Variants in NINJ2 observed in about 807,000 individuals in gnomAD.
The protein encoded by NINJ2 is ninjurin 2.
NINJ2 carries 12 observed loss-of-function variants against 11.7 expected under a neutral mutation model. The ratio of observed to expected loss-of-function variants is 1.02; its 90% confidence interval spans 0.66 to 1.66. The LOEUF is 1.66. NINJ2 is among the 40% of genes most tolerant of loss of function. The probability of loss-of-function intolerance (pLI) is 0.00; values close to 1 mark genes in which losing one functional copy is unlikely to be tolerated. For synonymous variants in NINJ2, 93 were observed against 76.8 expected, an observed-to-expected ratio of 1.21 and a Z score of -1.10; for missense variants, 187 against 181.8, an observed-to-expected ratio of 1.03 and a Z score of -0.16.
At chr12:567,976 T>C (rs1478549910) in intron 1 of NINJ2, among the ~76,000 whole-genome samples, 4 of 152,180 alleles carry the variant, frequency 2.6e-5, no homozygotes, top group Admixed American at 6.5e-5. Context: ...CATTGCACTC[T>C]AGCCTGGGTG....
In NINJ2 at chr12:585,928, A is replaced by G. The variant is rs1565624950; in HGVS notation, c.34-19750T>C. 2 of 152,124 alleles carry G rather than the reference A, an allele frequency of 1.3e-5. No individual in the cohort carries two copies. Among genetic ancestry groups the G allele is most frequent in the African/African-American group, 2.4e-5 (1 of 41,404 alleles). 9.4% of individuals were successfully genotyped at this position (152,124 alleles called of 1,614,324 possible). ...TCTCAGCTGGCTCCAGACAGACAAG[A>G]AGACTCCTTCAGTGTTCTTCTGGTA... On this transcript the variant is annotated intron_variant, in intron 1 of 3. Coordinates refer to ENST00000305108, the MANE Select transcript of NINJ2 (RefSeq NM_016533.6). The surrounding 1 kb of genome is among the most constrained non-coding windows in gnomAD (Gnocchi z 4.1).
At chr12:575,734 G>C (rs1341781808) in intron 1 of NINJ2, among the ~76,000 whole-genome samples, 1 of 152,196 alleles carries the variant, frequency 6.6e-6, no homozygotes, top group East Asian at 1.9e-4. Flanking sequence ...ATTTTTATGA[G>C]ACAGCTTTTT....
intron 1 of NINJ2, among the ~76,000 whole-genome samples, chr12:574,954 A>T (rs1947433812): frequency 6.6e-6 from 1 of 152,242 alleles, no homozygotes; most frequent in Non-Finnish European, 1.5e-5. Context: ...GAAAGCTGTG[A>T]AGTATTAAAC....
intron 1 of NINJ2, among the ~76,000 whole-genome samples, chr12:599,932 A>T (rs7299328): frequency 5.3e-5 from 8 of 152,002 alleles, no homozygotes; most frequent in Non-Finnish European, 1.0e-4. Flanking sequence ...CCAAGGTTTG[A>T]GCAGCTCTGG....
At chr12:603,476 G>C (rs1313360205) in intron 1 of NINJ2, among the ~76,000 whole-genome samples, 1 of 152,002 alleles carries the variant, frequency 6.6e-6, no homozygotes, top group Non-Finnish European at 1.5e-5. Context: ...TCATATCTAA[G>C]AAGGCTTTCC....
Position 585,338 on chromosome 12 carries a change from A to C in NINJ2, c.34-19160T>G, listed in dbSNP as rs116743025. On this transcript the variant is annotated intron_variant, in intron 1 of 3. Coordinates refer to ENST00000305108, the MANE Select transcript of NINJ2 (RefSeq NM_016533.6). This position sits in a 1 kb window ranked among gnomAD's most constrained non-coding sequence, Gnocchi z 4.1. ...CCCATGCCAAGAGGGGTCCATACCA[A>C]CTTCCGGAATAAACGAGGCCAAAGG... is the stretch of plus-strand genomic sequence containing the variant. 1.1e-3 allele frequency among the ~76,000 whole-genome samples: 167 copies of C among 152,276 alleles called. No individual in the cohort carries two copies. The highest frequency in any genetic ancestry group is 3.7e-3 in the African/African-American group (155 of 41,550).
chr12:597,380 CTAT>C (rs1434429379), intron 1 of NINJ2, among the ~76,000 whole-genome samples: 3 of 152,166 alleles, frequency 2.0e-5, no homozygotes. Context: ...CTCAGTGTTG[CTAT>C]TATTATACGT....
At chr12:587,608 T>C (rs114267194) in intron 1 of NINJ2, among the ~76,000 whole-genome samples, 285 of 152,276 alleles carry the variant, frequency 1.9e-3, no homozygotes, top group African/African-American at 6.5e-3. Flanking sequence ...GGCCCGATGC[T>C]TGTGGTCTGG....
intron 1 of NINJ2, among the ~76,000 whole-genome samples, chr12:649,726 C>G (rs1054959768): frequency 4.6e-5 from 7 of 151,666 alleles, no homozygotes; most frequent in African/African-American, 1.5e-4. Flanking sequence ...CATTCATAAA[C>G]CCATAATCCA....
At chr12:573,497 T>G (rs781212236) in intron 1 of NINJ2, among the ~76,000 whole-genome samples, 17 of 152,136 alleles carry the variant, frequency 1.1e-4, no homozygotes, top group Non-Finnish European at 2.4e-4. Flanking sequence ...GAGAATTGCT[T>G]GAACCTCAGA....
At chr12:608,017 G>A (rs200776526) in intron 1 of NINJ2, among the ~76,000 whole-genome samples, 1 of 152,312 alleles carries the variant, frequency 6.6e-6, no homozygotes, top group East Asian at 1.9e-4. Flanking sequence ...GGAAATGTGC[G>A]CTTGTAGGAG....
Position 653,358 on chromosome 12 carries a change from A to G in NINJ2, c.33+9970T>C, listed in dbSNP as rs75601043. Among the ~76,000 whole-genome samples the G allele has an allele frequency of 3.8e-4, 58 of 152,296 alleles. No individual in the cohort carries two copies. The East Asian group carries it at 9.1e-3, about 24-fold the overall frequency. On this transcript the variant is annotated intron_variant, in intron 1 of 3. Coordinates refer to ENST00000305108, the MANE Select transcript of NINJ2 (RefSeq NM_016533.6). The stretch of plus-strand genomic sequence containing the variant: ...CTAACAGTTTGTTCAAAATGAACAA[A>G]TCAAAATATCAACAATATATTTGAT...
chr12:656,529 T>C (rs1937875547), intron 1 of NINJ2, among the ~76,000 whole-genome samples: 1 of 151,682 alleles, frequency 6.6e-6, no homozygotes, highest in Non-Finnish European at 1.5e-5. Flanking sequence ...GTCTGGTGGA[T>C]CACAAGTTCA....
intron 1 of NINJ2, among the ~76,000 whole-genome samples, chr12:612,919 C>A (rs539177160): frequency 6.6e-6 from 1 of 152,158 alleles, no homozygotes; most frequent in Non-Finnish European, 1.5e-5. Context: ...ATCGCCTGAT[C>A]GGCTGATTGG....
At chr12:583,673 C>A (rs750354584) in intron 1 of NINJ2, among the ~76,000 whole-genome samples, 9 of 152,220 alleles carry the variant, frequency 5.9e-5, no homozygotes, top group Non-Finnish European at 1.0e-4. Context: ...CCAAAGCAAA[C>A]CCTTCTTTTT....
chr12:573,095 A>G lies in NINJ2; in HGVS notation c.34-6917T>C, dbSNP rs376688316. On this transcript the variant is annotated intron_variant, in intron 1 of 3. Coordinates refer to ENST00000305108, the MANE Select transcript of NINJ2 (RefSeq NM_016533.6). Reference sequence around the variant, plus strand: ...GGCTGGAGTGCAGTGGCGCAATCTCAGCTCACTGCAAGCTCCGCCTCCCGG... The same window carrying G: ...GGCTGGAGTGCAGTGGCGCAATCTCGGCTCACTGCAAGCTCCGCCTCCCGG... Among the ~76,000 whole-genome samples the G allele has an allele frequency of 7.4e-3, 1,046 of 141,794 alleles. 10 individuals carry two copies. The highest frequency in any genetic ancestry group is 0.027 in the African/African-American group (995 of 37,480). 93.0% of individuals were successfully genotyped at this position (141,794 alleles called of 152,430 possible).
At chr12:609,734 G>T in intron 1 of NINJ2, among the ~76,000 whole-genome samples, 1 of 146,228 alleles carries the variant, frequency 6.8e-6, no homozygotes, top group Admixed American at 7.0e-5. Context: ...TTGCACCACT[G>T]CACTCCAGCC....
intron 1 of NINJ2, among the ~76,000 whole-genome samples, chr12:588,643 C>T (rs1051294870): frequency 1.1e-4 from 16 of 152,220 alleles, no homozygotes; most frequent in African/African-American, 3.4e-4. Flanking sequence ...GCCATTTCCT[C>T]GACCACCACA....
chr12:611,192 T>C (rs562236562), intron 1 of NINJ2, among the ~76,000 whole-genome samples: 51 of 152,060 alleles, frequency 3.4e-4, no homozygotes, highest in African/African-American at 1.2e-3. Context: ...CTTTCCTCCT[T>C]TTCTTTCTTT....
Sources: allele counts gnomAD v4.1 joint callset (sites outside exome capture counted in the v4.1 genomes callset), GRCh38; gene constraint gnomAD v4.1.1; non-coding constraint Gnocchi (gnomAD v3.1); transcripts MANE v1.5; gene names NCBI Gene and HGNC (gene_info 2026-07-23, HGNC 2026-07-21).